EED: variants seen among roughly 807,000 people sequenced by gnomAD.
EED encodes embryonic ectoderm development.
A neutral mutation model predicts 61.0 loss-of-function variants in EED; 9 were observed. The observed-to-expected ratio is 0.15, with a 90% CI of 0.09 to 0.26. The LOEUF (loss-of-function observed/expected upper bound fraction) is 0.26. Ranked by LOEUF, EED falls within the 10% of genes least tolerant of loss-of-function variation. EED has a pLI of 1.00. For missense variants in EED, 315 were observed against 542.3 expected, an observed-to-expected ratio of 0.58 and a Z score of 4.16; for synonymous variants, 187 against 174.4, an observed-to-expected ratio of 1.07 and a Z score of -0.57.
In EED at chr11:86,264,154, T is replaced by G; in HGVS notation, c.635-18T>G. 6.3e-7 allele frequency: 1 copy of G among 1,588,034 alleles called. No homozygotes were observed. The highest frequency in any genetic ancestry group is 1.7e-4 in the Middle Eastern group (1 of 6,008). On this transcript the variant is annotated intron_variant, in intron 6 of 11. Coordinates refer to ENST00000263360, the MANE Select transcript of EED (RefSeq NM_003797.5). ...GTAAATAAAAAACATTCGCCTAATT[T>G]TTGTATGTTTATACTAGATCATGCT... is the stretch of plus-strand genomic sequence containing the variant.
At chr11:86,255,977 G>C (rs1229695433) in intron 4 of EED, among the ~76,000 whole-genome samples, 1 of 152,156 alleles carries the variant, frequency 6.6e-6, no homozygotes, top group Non-Finnish European at 1.5e-5. Flanking sequence ...AGAAAAAAGT[G>C]GAAAACTGAA....
intron 10 of EED, 54 bp downstream of exon 10, chr11:86,277,192 A>G (rs1277978899): frequency 4.1e-6 from 6 of 1,467,734 alleles, no homozygotes; most frequent in Non-Finnish European, 5.5e-6. Context: ...AGACCATTGT[A>G]ATTCTAGCTT....
intron 6 of EED, 40 bp downstream of exon 6, chr11:86,257,636 C>G (rs1212245447): frequency 6.5e-7 from 1 of 1,544,212 alleles, no homozygotes; most frequent in Admixed American, 1.8e-5. Flanking sequence ...TGCAATTTGT[C>G]AGAATTAAGA....
the EED span, chr11:86,284,185 C>T: frequency 6.6e-5 from 10 of 152,196 alleles, no homozygotes; most frequent in Non-Finnish European, 1.2e-4. Context: ...ACAAGGCGCT[C>T]ATCAGGACAG....
At chr11:86,267,623 G>A (rs1565700277) in intron 8 of EED, among the ~76,000 whole-genome samples, 2 of 152,008 alleles carry the variant, frequency 1.3e-5, no homozygotes, top group South Asian at 4.2e-4. Context: ...TTTTTGAGAC[G>A]GAGTTTTGCT....
intron 6 of EED, among the ~76,000 whole-genome samples, chr11:86,261,990 C>T (rs1033729343): frequency 6.6e-6 from 1 of 152,212 alleles, no homozygotes; most frequent in African/African-American, 2.4e-5. Context: ...TATTAATCTC[C>T]TTAGCAATTA....
intron 1 of EED, among the ~76,000 whole-genome samples, chr11:86,247,134 C>T (rs988017466): frequency 7.2e-5 from 11 of 152,174 alleles, no homozygotes; most frequent in Admixed American, 2.0e-4. Flanking sequence ...TTATTTTCTT[C>T]TTGCAGACCC....
In EED at chr11:86,264,379, A is replaced by G. The variant is rs1277529586; in HGVS notation, c.726+116A>G. The G allele has an allele frequency of 4.6e-6, 3 of 651,578 alleles. No individual in the cohort carries two copies. The African/African-American group carries it at 5.4e-5, about 12-fold the overall frequency. 40.4% of individuals were successfully genotyped at this position (651,578 alleles called of 1,614,324 possible). A position where few individuals can be genotyped will look rare whatever the true frequency, so the allele number is the denominator to read the frequency against. ...CATGTAGCCTGTCAGGCAGACATTC[A>G]CTTACATTTGACATAGAAGATTTTA... On this transcript the variant is annotated intron_variant, in intron 7 of 11. Coordinates refer to ENST00000263360, the MANE Select transcript of EED (RefSeq NM_003797.5).
At chr11:86,248,617 A>G (rs1405536519) in intron 1 of EED, among the ~76,000 whole-genome samples, 1 of 152,240 alleles carries the variant, frequency 6.6e-6, no homozygotes, top group Non-Finnish European at 1.5e-5. Flanking sequence ...TGGAGAGATG[A>G]ATTCCAAATG....
In EED at chr11:86,273,347, T is replaced by G. The variant is rs146887332; in HGVS notation, c.967-3633T>G. ...TTTAGAATGCTTCCTTCCCTTTACA[T>G]CACTTTATTCTTCTCCATTTATAAT... On this transcript the variant is annotated intron_variant, in intron 9 of 11. Coordinates refer to ENST00000263360, the MANE Select transcript of EED (RefSeq NM_003797.5). Among the ~76,000 whole-genome samples the G allele has an allele frequency of 2.6e-4, 39 of 152,352 alleles. No homozygotes were observed. In the East Asian group the frequency reaches 4.8e-3, roughly 19 times the overall value.
the EED span, among the ~76,000 whole-genome samples, chr11:86,286,613 G>A: frequency 1.3e-5 from 2 of 152,050 alleles, no homozygotes; most frequent in Non-Finnish European, 2.9e-5. Flanking sequence ...GCATCTTCAG[G>A]CTTGAACAAG....
intron 4 of EED, among the ~76,000 whole-genome samples, 171 bp from the exon 5 acceptor site, chr11:86,256,216 A>C (rs1231659851): frequency 6.6e-6 from 1 of 152,244 alleles, no homozygotes; most frequent in African/African-American, 2.4e-5. Flanking sequence ...TTGTTTGATC[A>C]TTTGTTATGG....
At chr11:86,282,434 A>G (rs1183014941), downstream of EED, among the ~76,000 whole-genome samples, 8 of 152,138 alleles carry the variant, frequency 5.3e-5, no homozygotes, top group Non-Finnish European at 4.4e-5. Flanking sequence ...ATACATTTCC[A>G]TGAATGTACC....
In EED at chr11:86,244,946, A is replaced by AT; in HGVS notation, c.-284_-283insT. ...ATCCAACGGACCTTACATCGTGTAG[A>AT]CTGCCGGGAGGGCGGCGGGAAAAGG... On this transcript the variant is annotated 5_prime_UTR_variant, in exon 1 of 12. Transcript: ENST00000263360. The AT allele has an allele frequency of 6.9e-5, 27 of 391,996 alleles. No individual in the cohort carries two copies. Among genetic ancestry groups the AT allele is most frequent in the South Asian group, 1.7e-4 (5 of 29,424 alleles). The allele number at this position is 391,996 out of a possible 1,614,324, so 24.3% of individuals were successfully genotyped here. A position where few individuals can be genotyped will look rare whatever the true frequency, so the allele number is the denominator to read the frequency against.
chr11:86,245,264 G>C lies in EED; in HGVS notation c.35G>C (p.Gly12Ala), dbSNP rs907459561. The stretch of plus-strand genomic sequence containing the variant: ...AGGGAAGTGTCGACTGCGCCGGCGG[G>C]AACAGACATGCCTGCGGCCAAGAAG... ...SEREVSTAPA[G>A]TDMPAAKKQK... The change falls in exon 1 of 12, where the codon GGA becomes GCA. Residue 12 changes from glycine (G) to alanine (A), a missense_variant. Gly to Ala is a moderately conservative substitution (Grantham distance 60, BLOSUM62 0). This residue lies in a region of EED where 110 missense variants were observed against 86.9 expected (regional missense o/e 1.27). Transcript: ENST00000263360. 29 of 1,613,524 alleles carry C rather than the reference G, an allele frequency of 1.8e-5. No individual in the cohort carries two copies. The highest frequency in any genetic ancestry group is 2.4e-5 in the Non-Finnish European group (28 of 1,179,956).
downstream of EED, among the ~76,000 whole-genome samples, chr11:86,279,146 A>C (rs1388513317): frequency 6.6e-6 from 1 of 152,228 alleles, no homozygotes; most frequent in Admixed American, 6.5e-5. Flanking sequence ...TAATAGTTTC[A>C]TAAGTAATAT....
chr11:86,245,295 G>A lies in EED; in HGVS notation c.66G>A (p.Lys22=), dbSNP rs763154303. 6.8e-5 allele frequency: 109 copies of A among 1,613,440 alleles called. No individual in the cohort carries two copies. The highest frequency in any genetic ancestry group is 9.0e-5 in the Non-Finnish European group (106 of 1,179,976). Residue 22 remains lysine (K), a synonymous_variant, in exon 1 of 12, where the codon AAG becomes AAA. Transcript: ENST00000263360. ...ACATGCCTGCGGCCAAGAAGCAGAA[G>A]CTGAGCAGTGACGAGAACAGCAATC... is the stretch of plus-strand genomic sequence containing the variant. ...GTDMPAAKKQ[K]LSSDENSNPD...
At chr11:86,272,918 TGA>T (rs1376980113) in intron 9 of EED, among the ~76,000 whole-genome samples, 1 of 152,246 alleles carries the variant, frequency 6.6e-6, no homozygotes, top group African/African-American at 2.4e-5. Context: ...CATTTCTCTC[TGA>T]GTTTTTTCCC....
intron 5 of EED, 58 bp from the exon 6 acceptor site, chr11:86,257,457 G>GA: frequency 1.4e-5 from 19 of 1,322,620 alleles, no homozygotes; most frequent in East Asian, 3.0e-5. Flanking sequence ...AAAGATTTAT[G>GA]AAAAAAAATT....
Sources: allele counts gnomAD v4.1 joint callset (sites outside exome capture counted in the v4.1 genomes callset), GRCh38; gene constraint gnomAD v4.1.1; regional missense constraint gnomAD v4.1.1; transcripts MANE v1.5; gene names NCBI Gene and HGNC (gene_info 2026-07-23, HGNC 2026-07-21).